The following FNTB variants were observed in gnomAD, a reference collection of about 807,000 sequenced individuals.
FNTB encodes farnesyltransferase, CAAX box, subunit beta, also known as protein farnesyltransferase subunit beta.
Under a neutral mutation model 59.4 loss-of-function variants are expected in FNTB, and 27 were observed. The ratio of observed to expected loss-of-function variants is 0.45; its 90% CI spans 0.34 to 0.63. FNTB has a LOEUF of 0.63. Ranked by LOEUF, FNTB falls within the 20% of genes least tolerant of loss-of-function variation. FNTB has a pLI of 0.02. For synonymous variants in FNTB, 230 were observed against 220.7 expected, an observed-to-expected ratio of 1.04 and a Z score of -0.37; for missense variants, 449 against 559.6, an observed-to-expected ratio of 0.80 and a Z score of 1.99.
intron 11 of FNTB, among the ~76,000 whole-genome samples, chr14:65,056,858 G>A (rs2062747681): frequency 6.6e-6 from 1 of 152,210 alleles, no homozygotes; most frequent in African/African-American, 2.4e-5. Flanking sequence ...AAGACAAGAG[G>A]TTTATTTAGC....
intron 1 of FNTB, chr14:65,003,573 T>C (rs1452002372): frequency 6.6e-6 from 1 of 152,154 alleles, no homozygotes; most frequent in Non-Finnish European, 1.5e-5. Flanking sequence ...TGAGTAATTC[T>C]GAAAGAGGTG....
At chr14:64,987,335 C>T (rs1358804428) in intron 1 of FNTB, 6 of 579,222 alleles carry the variant, frequency 1.0e-5, no homozygotes, top group Non-Finnish European at 1.5e-5. Flanking sequence ...GGGCAGTAGC[C>T]GAGTCCCCTC....
rs531361738 is a variant in FNTB at position 65,061,771 on chromosome 14, G to A, written c.*459G>A. 22 of 163,834 alleles carry A rather than the reference G, an allele frequency of 1.3e-4. No individual in the cohort carries two copies. The South Asian group carries it at 3.3e-3, about 25-fold the overall frequency. The allele number at this position is 163,834 out of a possible 1,614,324, so 10.1% of individuals were successfully genotyped here. On this transcript the variant is annotated 3_prime_UTR_variant, in exon 12 of 12. Transcript: ENST00000246166. ...TGGGCTTTGGGTCCCACCAAGATGA[G>A]TTCTCTGTAAGACTGTGGTGGAGTT...
intron 2 of FNTB, among the ~76,000 whole-genome samples, chr14:65,005,104 C>T (rs987662143): frequency 7.2e-5 from 11 of 152,190 alleles, no homozygotes; most frequent in Admixed American, 6.5e-5. Context: ...TGTTCCATAT[C>T]CCAAGGATGA....
rs2062859301 is a variant in FNTB, at chr14:65,061,206, T to C, written c.1208T>C (p.Ile403Thr). ...ALQPTHPVYNIGPDKVIQATT... is the reference protein window; with the variant it reads ...ALQPTHPVYNTGPDKVIQATT... ...CAGCCCACTCACCCAGTGTACAACA[T>C]TGGACCAGACAAGGTGATCCAGGCC... The change falls in exon 12 of 12, where the codon ATT becomes ACT. Residue 403 changes from isoleucine to threonine, a missense_variant. Transcript: ENST00000246166. The C allele has an allele frequency of 3.7e-6, 6 of 1,614,038 alleles. No individual in the cohort carries two copies. The highest frequency in any genetic ancestry group is 2.7e-5 in the African/African-American group (2 of 74,924).
At chr14:65,005,663 CCTGTCTTGCT>C (rs998020211) in intron 2 of FNTB, among the ~76,000 whole-genome samples, 3 of 151,588 alleles carry the variant, frequency 2.0e-5, no homozygotes, top group Admixed American at 2.0e-4. Context: ...CCTGTCTTGC[CCTGTCTTGCT>C]CTGTTGCCCA....
intron 1 of FNTB, among the ~76,000 whole-genome samples, chr14:64,988,809 C>T (rs1888063579): frequency 6.6e-6 from 1 of 152,096 alleles, no homozygotes; most frequent in South Asian, 2.1e-4. Context: ...GTTGTTATTC[C>T]AGCACACATT....
chr14:64,994,365 A>G lies in FNTB; in HGVS notation c.144+7268A>G, dbSNP rs1888317477. ...GAACAATACAAACTAATATACATAT[A>G]GTTATGTATCACTTAACAGTAGAAA... is the stretch of plus-strand genomic sequence containing the variant. On this transcript the variant is annotated intron_variant, in intron 1 of 11. Transcript: ENST00000246166. The surrounding 1 kb of genome is among the most constrained non-coding windows in gnomAD (Gnocchi z 4.2). Among the ~76,000 whole-genome samples the G allele has an allele frequency of 6.6e-6, 1 of 152,200 alleles. No individual in the cohort carries two copies. The highest frequency in any genetic ancestry group is 6.5e-5 in the Admixed American group (1 of 15,278).
At chr14:65,055,523 A>AT (rs1014896452) in intron 11 of FNTB, among the ~76,000 whole-genome samples, 50 of 150,758 alleles carry the variant, frequency 3.3e-4, no homozygotes, top group Non-Finnish European at 3.7e-4. Flanking sequence ...TTAATTTTTA[A>AT]TTTTTTTTTG....
At chr14:65,004,757 G>T (rs1014275019) in intron 2 of FNTB, among the ~76,000 whole-genome samples, 2 of 152,072 alleles carry the variant, frequency 1.3e-5, no homozygotes, top group Admixed American at 6.5e-5. Flanking sequence ...TCGCCTCATA[G>T]GTTCAAGTGA....
intron 9 of FNTB, among the ~76,000 whole-genome samples, chr14:65,046,694 C>T (rs1393101179): frequency 3.3e-5 from 5 of 152,122 alleles, no homozygotes; most frequent in Non-Finnish European, 7.4e-5. Flanking sequence ...GGGCAAAATA[C>T]TGACTTTGGG....
At chr14:65,025,256 G>A (rs768016056) in intron 4 of FNTB, among the ~76,000 whole-genome samples, 1 of 152,144 alleles carries the variant, frequency 6.6e-6, no homozygotes, top group Non-Finnish European at 1.5e-5. Flanking sequence ...GTAGTGTTGC[G>A]TTCGGCACGA....
intron 9 of FNTB, among the ~76,000 whole-genome samples, chr14:65,050,569 C>A (rs1464621992): frequency 1.3e-5 from 2 of 152,060 alleles, no homozygotes; most frequent in Admixed American, 6.6e-5. Flanking sequence ...CCAGCCTGGG[C>A]GACAGAGCAA....
chr14:65,029,086 G>T lies in FNTB; in HGVS notation c.605+1305G>T, dbSNP rs2062034340. ...GGAAACTTCTCCAGTAAGGCAGCTT[G>T]GTTCCCCTGCCAAGCACTGTAGCCA... On this transcript the variant is annotated intron_variant, in intron 6 of 11. Coordinates refer to ENST00000246166, the MANE Select transcript of FNTB (RefSeq NM_002028.4). This position sits in a 1 kb window ranked among gnomAD's most constrained non-coding sequence, Gnocchi z 4.7. Among the ~76,000 whole-genome samples, 1 of 152,090 alleles carries T rather than the reference G, an allele frequency of 6.6e-6. No homozygotes were observed.
intron 1 of FNTB, among the ~76,000 whole-genome samples, chr14:64,989,273 A>G (rs1888084563): frequency 8.4e-6 from 1 of 118,642 alleles, no homozygotes; most frequent in Non-Finnish European, 1.7e-5. Flanking sequence ...TGTCTCTACC[A>G]AAAAAAAAAA....
intron 11 of FNTB, among the ~76,000 whole-genome samples, chr14:65,060,783 G>C (rs979457762): frequency 2.1e-5 from 3 of 144,078 alleles, no homozygotes; most frequent in African/African-American, 7.7e-5. Context: ...TGAGGCAGGA[G>C]AATTGCTTGA....
chr14:65,058,340 G>A (rs2062789006), intron 11 of FNTB, among the ~76,000 whole-genome samples: 1 of 141,240 alleles, frequency 7.1e-6, no homozygotes, highest in African/African-American at 2.7e-5. Flanking sequence ...TTTCAGTTTT[G>A]TAACTGTTTG....
At chr14:65,002,284 A>G (rs1284379434) in intron 1 of FNTB, among the ~76,000 whole-genome samples, 2 of 152,190 alleles carry the variant, frequency 1.3e-5, no homozygotes. Context: ...TGTGTCCACA[A>G]CCATTGCCTG....
intron 1 of FNTB, among the ~76,000 whole-genome samples, chr14:64,993,608 C>A (rs1888284706): frequency 6.6e-6 from 1 of 152,178 alleles, no homozygotes; most frequent in Non-Finnish European, 1.5e-5. Context: ...TCTTCTACTG[C>A]AGCTTCAATG....
Sources: gnomAD v4.1 joint callset for allele counts (sites outside exome capture counted in the v4.1 genomes callset) on GRCh38, gnomAD v4.1.1 for gene constraint, Gnocchi (gnomAD v3.1) non-coding constraint, MANE v1.5 for transcripts, NCBI Gene and HGNC (gene_info 2026-07-23, HGNC 2026-07-21) for gene names.